Variants in LMO7 observed in about 807,000 individuals in gnomAD.
LMO7 encodes the protein LIM domain only protein 7.
LMO7 carries 120 observed loss-of-function variants against 206.5 expected under a neutral mutation model. That is an observed-to-expected ratio of 0.58 (90% CI 0.50 to 0.68). The LOEUF (loss-of-function observed/expected upper bound fraction) is 0.68, where lower values mean the gene tolerates loss of function less well. Among genes scored for constraint, LMO7 ranks in the 30% least tolerant of loss-of-function variants. LMO7 has a pLI of 0.00. For missense variants in LMO7, 1,959 were observed against 1,957.9 expected (o/e 1.00, Z -0.01); for synonymous variants, 706 against 681.5 (o/e 1.04, Z -0.56).
rs71127564 is a variant in LMO7 at position 75,626,577 on chromosome 13, T to TATATATATATATATATATATATA, written c.225+3257_225+3258insATATATATATATATATATATATA. On this transcript the variant is annotated intron_variant, in intron 2 of 29. Transcript: ENST00000341547. ...ATTGTCTACCCTCTTAACATATATA[T>TATATATATATATATATATATATA]TATATATATATATATAAATTTTTTT... Among the ~76,000 whole-genome samples the TATATATATATATATATATATATA allele has an allele frequency of 3.5e-3, 260 of 74,366 alleles. 16 individuals carry two copies. Among genetic ancestry groups the TATATATATATATATATATATATA allele is most frequent in the Middle Eastern group, 6.8e-3 (1 of 146 alleles). The allele number at this position is 74,366 out of a possible 152,430, so 48.8% of individuals were successfully genotyped here.
intron 1 of LMO7, among the ~76,000 whole-genome samples, chr13:75,644,283 TGAGGGAAAA>T (rs995179998): frequency 6.6e-6 from 1 of 152,050 alleles, no homozygotes; most frequent in Admixed American, 6.5e-5. Context: ...TCTTTTCCAA[TGAGGGAAAA>T]GAGGGGTGAG....
intron 2 of LMO7, among the ~76,000 whole-genome samples, chr13:75,718,980 CTTTT>C (rs750920790): frequency 2.1e-5 from 3 of 140,396 alleles, no homozygotes; most frequent in African/African-American, 2.6e-5. Flanking sequence ...ATGTCTCTCT[CTTTT>C]TTTTTTTTTT....
intron 2 of LMO7, among the ~76,000 whole-genome samples, chr13:75,716,696 CTTA>C (rs2043559012): frequency 1.3e-5 from 2 of 151,792 alleles, no homozygotes; most frequent in African/African-American, 2.4e-5. Flanking sequence ...TGTGGACTGC[CTTA>C]TTATATATAT....
At chr13:75,716,022 G>A (rs1284439629) in intron 2 of LMO7, among the ~76,000 whole-genome samples, 1 of 152,142 alleles carries the variant, frequency 6.6e-6, no homozygotes, top group Non-Finnish European at 1.5e-5. Context: ...TACAGGAAAA[G>A]GCTGACTTCT....
intron 1 of LMO7, among the ~76,000 whole-genome samples, chr13:75,642,260 G>A (rs1259408797): frequency 6.6e-6 from 1 of 152,066 alleles, no homozygotes; most frequent in African/African-American, 2.4e-5. Flanking sequence ...AGCTAGAAAT[G>A]GACTTCTTTC....
At chr13:75,680,812 C>T (rs1026721533) in intron 1 of LMO7, among the ~76,000 whole-genome samples, 1 of 152,024 alleles carries the variant, frequency 6.6e-6, no homozygotes, top group African/African-American at 2.4e-5. Context: ...TGAGTGAGAA[C>T]ATACGGTGTT....
rs2044552066 is a variant in LMO7, at chr13:75,727,170, T to A, written c.210+72T>A. The A allele has an allele frequency of 1.3e-5, 12 of 919,336 alleles. No homozygotes were observed. In the East Asian group the frequency reaches 2.8e-4, roughly 22 times the overall value. The allele number at this position is 919,336 out of a possible 1,614,324, so 56.9% of individuals were successfully genotyped here. A position where few individuals can be genotyped will look rare whatever the true frequency, so the allele number is the denominator to read the frequency against. Reference sequence around the variant, plus strand: ...TGTAAAGAGGTGGGCATAGGCAGATTTTTGTATCTGCAATTACCACTGAAA... The same window carrying A: ...TGTAAAGAGGTGGGCATAGGCAGATATTTGTATCTGCAATTACCACTGAAA... On this transcript the variant is annotated intron_variant, in intron 3 of 30. Transcript: ENST00000377534.
At chr13:75,781,096 C>CTTTTTTTTTTTTTTTTTTTTCT (rs2051290856) in intron 4 of LMO7, among the ~76,000 whole-genome samples, 1 of 41,924 alleles carries the variant, frequency 2.4e-5, no homozygotes. Flanking sequence ...CTCTATTTTC[C>CTTTTTTTTTTTTTTTTTTTTCT]TTTTTTTTTT....
chr13:75,727,791 A>G (rs2044632732), intron 3 of LMO7, among the ~76,000 whole-genome samples: 1 of 129,174 alleles, frequency 7.7e-6, no homozygotes, highest in Admixed American at 8.0e-5. Flanking sequence ...CAACCCCACA[A>G]CAGTCCCCAG....
At chr13:75,801,715 G>A (rs1032182087) in intron 7 of LMO7, among the ~76,000 whole-genome samples, 2 of 151,908 alleles carry the variant, frequency 1.3e-5, no homozygotes, top group African/African-American at 4.8e-5. Flanking sequence ...TGCTTCTATC[G>A]ACATCAATGT....
intron 4 of LMO7, among the ~76,000 whole-genome samples, chr13:75,789,850 A>G (rs1303820565): frequency 6.6e-6 from 1 of 152,148 alleles, no homozygotes; most frequent in Non-Finnish European, 1.5e-5. Context: ...AATCTCATCC[A>G]TTAGCACCTT....
At chr13:75,785,329 T>A (rs1210192115) in intron 4 of LMO7, among the ~76,000 whole-genome samples, 1 of 152,160 alleles carries the variant, frequency 6.6e-6, no homozygotes, top group Non-Finnish European at 1.5e-5. Flanking sequence ...CCTTAATAGT[T>A]TTGTAACCTT....
chr13:75,781,478 T>C (rs902321155), intron 4 of LMO7, among the ~76,000 whole-genome samples: 13 of 151,808 alleles, frequency 8.6e-5, no homozygotes, highest in African/African-American at 3.1e-4. Flanking sequence ...TATGGCTGCA[T>C]AGTATTCCAT....
At chr13:75,708,406 G>T (rs1313744687) in intron 1 of LMO7, among the ~76,000 whole-genome samples, 1 of 152,172 alleles carries the variant, frequency 6.6e-6, no homozygotes, top group East Asian at 1.9e-4. Context: ...GTGTCTGCAG[G>T]ACACAGCCCT....
chr13:75,645,715 C>T (rs888250144), intron 1 of LMO7, among the ~76,000 whole-genome samples: 1 of 152,186 alleles, frequency 6.6e-6, no homozygotes, highest in Non-Finnish European at 1.5e-5. Flanking sequence ...CTATCAAAAG[C>T]ATCAGATAGA....
At chr13:75,635,711 G>T (rs2035711609), upstream of LMO7, 1 of 152,178 alleles carries the variant, frequency 6.6e-6, no homozygotes, top group Non-Finnish European at 1.5e-5. Context: ...CGGGCGGAGC[G>T]GGGCCGAACT....
At chr13:75,808,297 A>C in intron 10 of LMO7, 98 bp downstream of exon 10, 1 of 1,337,300 alleles carries the variant, frequency 7.5e-7, no homozygotes, top group Non-Finnish European at 1.0e-6. Context: ...TCAACTCTGC[A>C]TGTCGCGTGC....
At chr13:75,696,277 C>G (rs1485275160) in intron 1 of LMO7, among the ~76,000 whole-genome samples, 1 of 152,100 alleles carries the variant, frequency 6.6e-6, no homozygotes, top group Non-Finnish European at 1.5e-5. Flanking sequence ...ATGGCTTGAA[C>G]CTGGGAGGCG....
At chr13:75,717,432 T>C (rs2138259898) in intron 2 of LMO7, among the ~76,000 whole-genome samples, 1 of 151,660 alleles carries the variant, frequency 6.6e-6, no homozygotes, top group Admixed American at 6.6e-5. Flanking sequence ...AGGTCTTCTT[T>C]TTCCTTTCTT....
Sources: gnomAD v4.1 joint callset for allele counts (sites outside exome capture counted in the v4.1 genomes callset) on GRCh38, gnomAD v4.1.1 for gene constraint, MANE v1.5 for transcripts, NCBI Gene and HGNC (gene_info 2026-07-23, HGNC 2026-07-21) for gene names.